ITPR1: variants seen among roughly 807,000 people sequenced by gnomAD.
ITPR1 encodes the protein inositol 1,4,5-trisphosphate-gated calcium channel ITPR1.
In ITPR1, 96 loss-of-function variants were observed where a neutral mutation model predicts 318.4. That is an observed-to-expected ratio of 0.30 (90% CI 0.26 to 0.36). ITPR1 has a LOEUF of 0.36. Among genes scored for constraint, ITPR1 ranks in the 10% least tolerant of loss-of-function variants. The pLI is 1.00. For missense variants in ITPR1, 2,440 were observed against 3,460.2 expected (o/e 0.71, Z 7.40); for synonymous variants, 1,312 against 1,289.9 (o/e 1.02, Z -0.37).
intron 4 of ITPR1, among the ~76,000 whole-genome samples, chr3:4,603,429 T>A (rs1280739128): frequency 6.6e-6 from 1 of 151,056 alleles, no homozygotes; most frequent in African/African-American, 2.4e-5. Context: ...TTTTTATTTT[T>A]GGTTTTGTTT....
At chr3:4,766,368 A>G (rs776323478) in intron 44 of ITPR1, among the ~76,000 whole-genome samples, 162 bp from the exon 45 acceptor site, 5 of 152,240 alleles carry the variant, frequency 3.3e-5, no homozygotes, top group Non-Finnish European at 5.9e-5. Flanking sequence ...CTTAGAACCC[A>G]GAGAACTACA....
chr3:4,686,662 T>C (rs1177214857), intron 30 of ITPR1, among the ~76,000 whole-genome samples: 1 of 152,168 alleles, frequency 6.6e-6, no homozygotes, highest in Non-Finnish European at 1.5e-5. Context: ...TTTGTTTGCT[T>C]TTGGATGGGC....
At chr3:4,727,069 C>T (rs2125308635) in intron 41 of ITPR1, 57 bp from the exon 42 acceptor site, 1 of 1,289,652 alleles carries the variant, frequency 7.8e-7, no homozygotes, top group East Asian at 2.3e-5. Context: ...ACTGATGCTG[C>T]AGATGGTAGT....
At chr3:4,573,825 G>T (rs1008902033) in intron 4 of ITPR1, among the ~76,000 whole-genome samples, 2 of 152,028 alleles carry the variant, frequency 1.3e-5, no homozygotes. Context: ...CTTTTCCTCT[G>T]TGCACTTGCC....
chr3:4,721,951 C>A (rs76976210), intron 40 of ITPR1, among the ~76,000 whole-genome samples: 7,159 of 152,202 alleles, frequency 0.047, 573 homozygotes, highest in African/African-American at 0.16. Flanking sequence ...AGTATAATTT[C>A]TTTCATTTGT....
intron 6 of ITPR1, among the ~76,000 whole-genome samples, chr3:4,641,215 T>A (rs1041151369): frequency 3.3e-5 from 5 of 152,226 alleles, no homozygotes; most frequent in Non-Finnish European, 7.3e-5. Flanking sequence ...GCCAACTCTT[T>A]CTGGTCTAGA....
In ITPR1 at chr3:4,542,104, AAACG is replaced by A. The variant is rs1475919229; in HGVS notation, c.163+21011_163+21014del. On this transcript the variant is annotated intron_variant, in intron 4 of 61. Transcript: ENST00000649015. Reference sequence around the variant, plus strand: ...CTAAATGTTCTATTTGGGACTTCTGAAACGTTTGGTCATTCTCATTCCTCCATAT... The same window carrying A: ...CTAAATGTTCTATTTGGGACTTCTGATTTGGTCATTCTCATTCCTCCATAT... 6.5e-4 allele frequency among the ~76,000 whole-genome samples: 99 copies of A among 152,262 alleles called. 1 individual carries two copies. Among genetic ancestry groups the A allele is most frequent in the African/African-American group, 2.4e-3 (99 of 41,538 alleles).
chr3:4,674,442 T>A, intron 22 of ITPR1, 99 bp downstream of exon 22: 1 of 1,022,928 alleles, frequency 9.8e-7, no homozygotes, highest in South Asian at 1.8e-5. Flanking sequence ...GTGATTTTGG[T>A]CATGATGCTC....
chr3:4,674,328 T>C lies in ITPR1; in HGVS notation c.2583T>C (p.Asn861=). ...TCCCTTTCTCTGATAAAGAGAAGAA[T>C]AAGCTTACGTTTGAGGTAACTCATG... The part of the protein sequence containing the change: ...QRFPFSDKEK[N]KLTFEVVNLA... Residue 861 remains asparagine, a synonymous_variant, in exon 22 of 62, where the codon AAT becomes AAC. Transcript: ENST00000649015. 1 of 1,607,778 alleles carries C rather than the reference T, an allele frequency of 6.2e-7. No homozygotes were observed. Among genetic ancestry groups the C allele is most frequent in the Non-Finnish European group, 8.5e-7 (1 of 1,176,804 alleles).
chr3:4,708,742 A>G (rs941724786), intron 37 of ITPR1, among the ~76,000 whole-genome samples: 3 of 152,174 alleles, frequency 2.0e-5, no homozygotes, highest in African/African-American at 7.2e-5. Flanking sequence ...GACGTAAAGG[A>G]TTTGCATTAT....
chr3:4,774,720 G>A (rs560449081), intron 46 of ITPR1, among the ~76,000 whole-genome samples: 32 of 152,290 alleles, frequency 2.1e-4, no homozygotes, highest in Middle Eastern at 3.4e-3. Flanking sequence ...TCCTTTAATC[G>A]TGGAAATGGC....
chr3:4,665,043 A>G, intron 16 of ITPR1, 95 bp from the exon 17 acceptor site: 1 of 1,358,296 alleles, frequency 7.4e-7, no homozygotes, highest in South Asian at 1.2e-5. Context: ...TTCTAATGTA[A>G]TCCAGCCACC....
intron 4 of ITPR1, among the ~76,000 whole-genome samples, chr3:4,535,124 G>T (rs1291915520): frequency 6.6e-6 from 1 of 151,482 alleles, no homozygotes; most frequent in Admixed American, 6.6e-5. Context: ...GGGGAATGCA[G>T]TCCCTTGATC....
Position 4,710,633 on chromosome 3 carries a change from C to A in ITPR1, c.4991+160C>A, listed in dbSNP as rs1188972763. Among the ~76,000 whole-genome samples, 3 of 152,152 alleles carry A rather than the reference C, an allele frequency of 2.0e-5. No homozygotes were observed. Among genetic ancestry groups the A allele is most frequent in the African/African-American group, 7.2e-5 (3 of 41,440 alleles). ...TCTGACCTCCCCAAAGTAAGTTTGT[C>A]TATTAAATCCTGCTTACTGACACTT... On this transcript the variant is annotated intron_variant, in intron 38 of 61. Coordinates refer to ENST00000649015, the MANE Select transcript of ITPR1 (RefSeq NM_001378452.1). The surrounding 1 kb of genome is among the most constrained non-coding windows in gnomAD (Gnocchi z 4.2).
intron 4 of ITPR1, among the ~76,000 whole-genome samples, chr3:4,563,681 A>G (rs568783485): frequency 6.1e-4 from 93 of 151,578 alleles, no homozygotes; most frequent in Non-Finnish European, 1.1e-3. Context: ...TGCTCCCTTT[A>G]CTCTCTCTTT....
intron 39 of ITPR1, among the ~76,000 whole-genome samples, chr3:4,717,159 G>A (rs1161788703): frequency 6.6e-6 from 1 of 152,206 alleles, no homozygotes; most frequent in Non-Finnish European, 1.5e-5. Flanking sequence ...AATAAAGCGT[G>A]GCAGCATCGT....
chr3:4,682,146 G>C (rs1234963450), intron 26 of ITPR1, among the ~76,000 whole-genome samples: 1 of 152,188 alleles, frequency 6.6e-6, no homozygotes, highest in South Asian at 2.1e-4. Flanking sequence ...AAGCTGGATG[G>C]TTCTTCTGCT....
intron 37 of ITPR1, among the ~76,000 whole-genome samples, chr3:4,707,547 T>C (rs1010656865): frequency 2.6e-5 from 4 of 152,228 alleles, no homozygotes; most frequent in Admixed American, 6.5e-5. Flanking sequence ...TCACTTTTAC[T>C]GTACTCTTTT....
chr3:4,543,452 A>G (rs1016388952), intron 4 of ITPR1, among the ~76,000 whole-genome samples: 3 of 152,320 alleles, frequency 2.0e-5, no homozygotes, highest in South Asian at 2.1e-4. Context: ...AAAACAAAAC[A>G]AAACAAAAAC....
Sources: gnomAD v4.1 joint callset for allele counts (sites outside exome capture counted in the v4.1 genomes callset) on GRCh38, gnomAD v4.1.1 for gene constraint, Gnocchi (gnomAD v3.1) non-coding constraint, MANE v1.5 for transcripts, NCBI Gene and HGNC (gene_info 2026-07-23, HGNC 2026-07-21) for gene names.